Variants in USP6NL observed in about 807,000 individuals in gnomAD.
USP6NL encodes USP6 N-terminal like.
USP6NL carries 26 observed loss-of-function variants against 61.9 expected under a neutral mutation model. That is an observed-to-expected ratio of 0.42 (90% CI 0.31 to 0.58). The LOEUF (loss-of-function observed/expected upper bound fraction) is 0.58. Ranked by LOEUF, USP6NL falls within the 20% of genes least tolerant of loss-of-function variation. The pLI, the probability that USP6NL is intolerant of heterozygous loss-of-function variation, is 0.16. For missense variants in USP6NL, 1,114 were observed against 1,034.3 expected (o/e 1.08, Z -1.06); for synonymous variants, 432 against 390.1 (o/e 1.11, Z -1.27).
intron 2 of USP6NL, chr10:11,573,573 A>G: frequency 2.5e-6 from 1 of 398,792 alleles, no homozygotes; most frequent in Non-Finnish European, 4.4e-6. Context: ...GAGTGCCCTG[A>G]AAGTGCTTGA....
At chr10:11,524,627 T>C (rs1234304958) in intron 4 of USP6NL, among the ~76,000 whole-genome samples, 1 of 152,202 alleles carries the variant, frequency 6.6e-6, no homozygotes, top group Non-Finnish European at 1.5e-5. Flanking sequence ...CGAATGTTTT[T>C]CCTTCAAAAT....
rs1834090944 is a variant in USP6NL, at chr10:11,499,677, TAAG to T, written c.384+1421_384+1423del. Among the ~76,000 whole-genome samples, 1 of 152,124 alleles carries T rather than the reference TAAG, an allele frequency of 6.6e-6. No homozygotes were observed. Among genetic ancestry groups the T allele is most frequent in the African/African-American group, 2.4e-5 (1 of 41,420 alleles). ...GGGATGGAGCGATGCCAAAATGCAC[TAAG>T]GATGGTAGGCCACCACCAGAGGCTG... On this transcript the variant is annotated intron_variant, in intron 7 of 14. Coordinates refer to ENST00000609104, the MANE Select transcript of USP6NL (RefSeq NM_014688.5). The surrounding 1 kb of genome is among the most constrained non-coding windows in gnomAD (Gnocchi z 4.5).
rs1835867511 is a variant in USP6NL at position 11,537,197 on chromosome 10, A to G, written c.5-9630T>C. Among the ~76,000 whole-genome samples the G allele has an allele frequency of 6.6e-6, 1 of 150,624 alleles. No individual in the cohort carries two copies. Among genetic ancestry groups the G allele is most frequent in the Non-Finnish European group, 1.5e-5 (1 of 67,340 alleles). ...ACGATCACAGTTCACTGCAGCGTCAATCTCCCAGGTGATCCTCCCACCTCA... is the reference window on the plus strand; with the variant it reads ...ACGATCACAGTTCACTGCAGCGTCAGTCTCCCAGGTGATCCTCCCACCTCA... On this transcript the variant is annotated intron_variant, in intron 2 of 14. Transcript: ENST00000609104. This position sits in a 1 kb window ranked among gnomAD's most constrained non-coding sequence, Gnocchi z 5.1.
chr10:11,464,415 G>T (rs1324750131), intron 14 of USP6NL, among the ~76,000 whole-genome samples: 1 of 152,216 alleles, frequency 6.6e-6, no homozygotes, highest in African/African-American at 2.4e-5. Context: ...TAAGGCCTGC[G>T]ATAGGCAGAC....
intron 1 of USP6NL, among the ~76,000 whole-genome samples, chr10:11,599,137 G>C (rs1838424756): frequency 6.6e-6 from 1 of 152,164 alleles, no homozygotes; most frequent in African/African-American, 2.4e-5. Flanking sequence ...TGACTATTTA[G>C]ATTTGTTTTC....
chr10:11,541,243 A>G (rs1418645083), intron 2 of USP6NL, among the ~76,000 whole-genome samples: 1 of 115,032 alleles, frequency 8.7e-6, no homozygotes, highest in South Asian at 3.3e-4. Context: ...ATATATATAT[A>G]TATATATATA....
chr10:11,568,174 T>TGCGC (rs1555172414), intron 2 of USP6NL, among the ~76,000 whole-genome samples: 4 of 135,132 alleles, frequency 3.0e-5, no homozygotes, highest in Non-Finnish European at 4.8e-5. Context: ...TGTGTGTGTG[T>TGCGC]GCGCGCGCGC....
At chr10:11,466,665 C>G (rs1832466857) in intron 14 of USP6NL, among the ~76,000 whole-genome samples, 1 of 152,190 alleles carries the variant, frequency 6.6e-6, no homozygotes, top group Admixed American at 6.5e-5. Flanking sequence ...GGCATATGTT[C>G]TGAGAAATAA....
chr10:11,588,016 G>C (rs887441797), intron 2 of USP6NL, among the ~76,000 whole-genome samples: 2 of 152,192 alleles, frequency 1.3e-5, no homozygotes, highest in African/African-American at 4.8e-5. Context: ...CCTTTCTCTT[G>C]AAGGCAGGCT....
At position 11,585,587 on chromosome 10, in the gene USP6NL, G is replaced by A. The variant is rs762016826; in HGVS notation, c.4+12044C>T. The stretch of plus-strand genomic sequence containing the variant: ...TGAGGAACGGGAATGGCGCGAACCC[G>A]GGATGCGGAGCTTTCAGTGAGCCGT... On this transcript the variant is annotated intron_variant, in intron 2 of 14. Coordinates refer to ENST00000609104, the MANE Select transcript of USP6NL (RefSeq NM_014688.5). This position sits in a 1 kb window ranked among gnomAD's most constrained non-coding sequence, Gnocchi z 4.5. Among the ~76,000 whole-genome samples the A allele has an allele frequency of 9.9e-5, 15 of 152,084 alleles. No individual in the cohort carries two copies. The highest frequency in any genetic ancestry group is 1.6e-4 in the Non-Finnish European group (11 of 68,016).
chr10:11,503,829 A>G (rs946590101), intron 6 of USP6NL, among the ~76,000 whole-genome samples: 69 of 152,316 alleles, frequency 4.5e-4, no homozygotes, highest in African/African-American at 1.5e-3. Flanking sequence ...AACGTGAATC[A>G]CAAAGAGGTT....
At chr10:11,555,471 AAG>A (rs1190819331) in intron 2 of USP6NL, among the ~76,000 whole-genome samples, 41 of 62,162 alleles carry the variant, frequency 6.6e-4, no homozygotes, top group Non-Finnish European at 6.5e-4. Flanking sequence ...GAGAGAGAGA[AAG>A]AGAGAGAGAG....
At chr10:11,570,766 G>A (rs1837326618) in intron 2 of USP6NL, among the ~76,000 whole-genome samples, 2 of 152,160 alleles carry the variant, frequency 1.3e-5, no homozygotes, top group Non-Finnish European at 2.9e-5. Context: ...CAGTCGGCTC[G>A]ATGGTGTCTC....
At chr10:11,564,444 T>C (rs1304115305) in intron 2 of USP6NL, 1 of 152,214 alleles carries the variant, frequency 6.6e-6, no homozygotes, top group East Asian at 1.9e-4. Flanking sequence ...AATTATCTAC[T>C]ATCTGTTATC....
rs147530992 is a variant in USP6NL, at chr10:11,536,430, G to C, written c.5-8863C>G. Among the ~76,000 whole-genome samples the C allele has an allele frequency of 2.6e-3, 397 of 152,238 alleles. 1 individual carries two copies. The highest frequency in any genetic ancestry group is 8.7e-3 in the African/African-American group (360 of 41,530). On this transcript the variant is annotated intron_variant, in intron 2 of 14. Coordinates refer to ENST00000609104, the MANE Select transcript of USP6NL (RefSeq NM_014688.5). ...AACTGTTTAAGAGCATTTTGTGCCT[G>C]GCTAGCTGCCTCCCCCATTATCTTC...
intron 2 of USP6NL, among the ~76,000 whole-genome samples, chr10:11,577,602 G>A (rs535709387): frequency 7.9e-4 from 120 of 152,240 alleles, no homozygotes; most frequent in African/African-American, 2.6e-3. Flanking sequence ...CCAGATTCAA[G>A]CAATTCTCCT....
Position 11,490,966 on chromosome 10 carries a change from G to T in USP6NL, c.495-86C>A. Reference sequence around the variant, plus strand: ...AACTTAAAAAAATAAACCAAAGACTGACTGAAAACAGATAATCCAGATAAA... The same window carrying T: ...AACTTAAAAAAATAAACCAAAGACTTACTGAAAACAGATAATCCAGATAAA... On this transcript the variant is annotated intron_variant, in intron 8 of 14. Coordinates refer to ENST00000609104, the MANE Select transcript of USP6NL (RefSeq NM_014688.5). This position sits in a 1 kb window ranked among gnomAD's most constrained non-coding sequence, Gnocchi z 4.5. 2.6e-6 allele frequency: 3 copies of T among 1,165,964 alleles called. No homozygotes were observed. The highest frequency in any genetic ancestry group is 2.4e-6 in the Non-Finnish European group (2 of 838,946). The allele number at this position is 1,165,964 out of a possible 1,614,324, so 72.2% of individuals were successfully genotyped here.
chr10:11,489,186 C>T lies in USP6NL; in HGVS notation c.580G>A (p.Ala194Thr). The part of the protein sequence containing the change: ...GYCQGMSQIT[A>T]LLLMYMNEED... ...TCGTTCATATACATGAGGAGTAAAGCTGTGATCTGGCTCATCCCCTGACAA... is the reference window on the plus strand; with the variant it reads ...TCGTTCATATACATGAGGAGTAAAGTTGTGATCTGGCTCATCCCCTGACAA... The change falls in exon 10 of 15, where the codon GCT (alanine) becomes ACT (threonine). Residue 194 changes from alanine (A) to threonine (T), a missense_variant. Transcript: ENST00000609104. This position sits in a 1 kb window ranked among gnomAD's most constrained non-coding sequence, Gnocchi z 5.7. 1.2e-6 allele frequency: 2 copies of T among 1,613,918 alleles called. No individual in the cohort carries two copies. The highest frequency in any genetic ancestry group is 1.7e-6 in the Non-Finnish European group (2 of 1,179,850).
chr10:11,474,349 G>A lies in USP6NL; in HGVS notation c.1078+7421C>T, dbSNP rs1832879761. On this transcript the variant is annotated intron_variant, in intron 14 of 14. Coordinates refer to ENST00000609104, the MANE Select transcript of USP6NL (RefSeq NM_014688.5). This position sits in a 1 kb window ranked among gnomAD's most constrained non-coding sequence, Gnocchi z 4.9. ...GAGTATACTGAAACAAAAGACTTAAGGTTCAGGATATTCTTAAGGTTGAAT... is the reference window on the plus strand; with the variant it reads ...GAGTATACTGAAACAAAAGACTTAAAGTTCAGGATATTCTTAAGGTTGAAT... Among the ~76,000 whole-genome samples, 1 of 152,102 alleles carries A rather than the reference G, an allele frequency of 6.6e-6. No homozygotes were observed. The highest frequency in any genetic ancestry group is 1.5e-5 in the Non-Finnish European group (1 of 68,026).
Sources: allele counts gnomAD v4.1 joint callset (sites outside exome capture counted in the v4.1 genomes callset), GRCh38; gene constraint gnomAD v4.1.1; non-coding constraint Gnocchi (gnomAD v3.1); transcripts MANE v1.5; gene names NCBI Gene and HGNC (gene_info 2026-07-23, HGNC 2026-07-21).